The following COBL variants were observed in gnomAD, a reference collection of about 807,000 sequenced individuals.
COBL encodes the protein cordon-bleu WH2 repeat protein.
Under a neutral mutation model 98.8 loss-of-function variants are expected in COBL, and 51 were observed. The observed-to-expected ratio is 0.52, with a 90% CI of 0.41 to 0.65. COBL has a LOEUF of 0.65. Ranked by LOEUF, COBL falls within the 30% of genes least tolerant of loss-of-function variation. The probability of loss-of-function intolerance (pLI) is 0.00; values close to 1 mark genes in which losing one functional copy is unlikely to be tolerated. For missense variants in COBL, 1,617 were observed against 1,617.5 expected, an observed-to-expected ratio of 1.00 and a Z score of 0.01; for synonymous variants, 634 against 651.7, an observed-to-expected ratio of 0.97 and a Z score of 0.41.
chr7:51,226,458 C>T (rs1794190385), intron 1 of COBL, among the ~76,000 whole-genome samples: 1 of 152,060 alleles, frequency 6.6e-6, no homozygotes, highest in Non-Finnish European at 1.5e-5. Context: ...GGAACCATGA[C>T]TTTCTTGTTC....
intron 7 of COBL, among the ~76,000 whole-genome samples, chr7:51,075,027 A>G (rs564319779): frequency 6.2e-4 from 94 of 152,350 alleles, no homozygotes; most frequent in African/African-American, 2.0e-3. Flanking sequence ...TATAACTTCA[A>G]CATGATGGCA....
intron 7 of COBL, chr7:51,065,365 A>G (rs1791812286): frequency 1.4e-6 from 1 of 703,686 alleles, no homozygotes; most frequent in Non-Finnish European, 2.6e-6. Flanking sequence ...ACTCATCCAC[A>G]GGGTTCTTGG....
At position 51,107,062 on chromosome 7, in the gene COBL, T is replaced by G. The variant is rs1396004449; in HGVS notation, c.958-21758A>C. ...TTACATATCCCTCACCTCAAATACT[T>G]AACACTTTTTTTGTGATCCTAGTTT... is the stretch of plus-strand genomic sequence containing the variant. On this transcript the variant is annotated intron_variant, in intron 6 of 12. Transcript: ENST00000265136. 2.0e-5 allele frequency among the ~76,000 whole-genome samples: 3 copies of G among 150,676 alleles called. No homozygotes were observed. The East Asian group carries it at 5.8e-4, about 29-fold the overall frequency.
intron 7 of COBL, among the ~76,000 whole-genome samples, chr7:51,059,201 C>A (rs924125953): frequency 3.9e-5 from 6 of 152,158 alleles, no homozygotes; most frequent in African/African-American, 1.2e-4. Context: ...GTATGTATAG[C>A]TCGTATTTAT....
intron 1 of COBL, among the ~76,000 whole-genome samples, chr7:51,221,780 A>G (rs1793664158): frequency 6.6e-6 from 1 of 152,240 alleles, no homozygotes; most frequent in African/African-American, 2.4e-5. Context: ...TGTATTACTT[A>G]TAAAATGAAA....
At chr7:51,255,035 CAT>C (rs1208496371) in intron 1 of COBL, among the ~76,000 whole-genome samples, 1 of 152,208 alleles carries the variant, frequency 6.6e-6, no homozygotes, top group African/African-American at 2.4e-5. Context: ...GCTACCCAAA[CAT>C]ATATTTCTGA....
At chr7:51,316,110 C>G (rs993759552) in intron 1 of COBL, among the ~76,000 whole-genome samples, 1 of 152,134 alleles carries the variant, frequency 6.6e-6, no homozygotes, top group Non-Finnish European at 1.5e-5. Flanking sequence ...TCCACGCTGC[C>G]GGGAGAGCCG....
At chr7:51,163,939 A>G (rs1046933942) in intron 5 of COBL, among the ~76,000 whole-genome samples, 3 of 152,240 alleles carry the variant, frequency 2.0e-5, no homozygotes, top group African/African-American at 7.2e-5. Context: ...CCATAAAGCT[A>G]GCACTTTGCA....
At position 51,027,852 on chromosome 7, in the gene COBL, T is replaced by C. The variant is rs201838388; in HGVS notation, c.3244A>G (p.Ser1082Gly). The change falls in exon 10 of 13, where the codon AGT (serine) becomes GGT (glycine). Residue 1082 changes from serine to glycine, a missense_variant. By Grantham distance (56) the Ser-to-Gly change is moderately conservative (BLOSUM62 0). Transcript: ENST00000265136. The part of the protein sequence containing the change: ...VFSTDGNETD[S>G]IWPPSIFGPK... ...CCAAAAATGCTGGGTGGCCAAATAC[T>C]GTCTGTTTCATTTCCATCTGTAGAG... 5.0e-6 allele frequency: 8 copies of C among 1,614,250 alleles called. No individual in the cohort carries two copies. In the Admixed American group the frequency reaches 1.0e-4, roughly 20 times the overall value.
At chr7:51,144,770 A>T (rs1300421258) in intron 5 of COBL, among the ~76,000 whole-genome samples, 1 of 152,160 alleles carries the variant, frequency 6.6e-6, no homozygotes, top group Non-Finnish European at 1.5e-5. Flanking sequence ...TACCTGTTCC[A>T]TATGTTTCAT....
chr7:51,158,528 G>A (rs1434038779), intron 5 of COBL, among the ~76,000 whole-genome samples: 4 of 152,162 alleles, frequency 2.6e-5, no homozygotes, highest in Admixed American at 2.6e-4. Flanking sequence ...AAGCAAAGGT[G>A]GTGCTAGCTG....
intron 6 of COBL, among the ~76,000 whole-genome samples, chr7:51,126,276 C>T (rs1798196581): frequency 6.6e-6 from 1 of 152,070 alleles, no homozygotes; most frequent in African/African-American, 2.4e-5. Flanking sequence ...TGCAGTGAGC[C>T]AGGATAGTGC....
intron 2 of COBL, among the ~76,000 whole-genome samples, chr7:51,206,491 C>CAAAAAAAAAAAAAAAAAAAAAAAAA (rs1216887855): frequency 9.9e-6 from 1 of 101,274 alleles, no homozygotes; most frequent in Non-Finnish European, 2.0e-5. Context: ...GACTCTGTCT[C>CAAAAAAAAAAAAAAAAAAAAAAAAA]AAAAAAAAAA....
intron 1 of COBL, among the ~76,000 whole-genome samples, chr7:51,270,164 C>T (rs1048865204): frequency 6.6e-6 from 1 of 152,284 alleles, no homozygotes; most frequent in Admixed American, 6.5e-5. Flanking sequence ...TCTGAGCACA[C>T]AGGGCTTGGC....
intron 6 of COBL, among the ~76,000 whole-genome samples, chr7:51,127,031 T>C (rs2128996381): frequency 6.6e-6 from 1 of 152,256 alleles, no homozygotes; most frequent in Non-Finnish European, 1.5e-5. Context: ...GGGGAACAAG[T>C]CACGGTCCCA....
intron 5 of COBL, among the ~76,000 whole-genome samples, chr7:51,161,476 G>A (rs1381976744): frequency 6.6e-6 from 1 of 152,150 alleles, no homozygotes; most frequent in African/African-American, 2.4e-5. Flanking sequence ...CACTCAACAC[G>A]AATTCTGGAA....
chr7:51,252,655 G>A (rs976907197), intron 1 of COBL, among the ~76,000 whole-genome samples: 1 of 152,144 alleles, frequency 6.6e-6, no homozygotes, highest in Non-Finnish European at 1.5e-5. Flanking sequence ...GAGGAGTACA[G>A]GTGATTTCTC....
chr7:51,203,630 A>C (rs1054182152), intron 2 of COBL, among the ~76,000 whole-genome samples: 1 of 152,072 alleles, frequency 6.6e-6, no homozygotes, highest in African/African-American at 2.4e-5. Flanking sequence ...CTAAAAAAAA[A>C]GAAAAAAATG....
At chr7:51,139,964 T>C (rs1799583360) in intron 5 of COBL, among the ~76,000 whole-genome samples, 1 of 152,172 alleles carries the variant, frequency 6.6e-6, no homozygotes, top group South Asian at 2.1e-4. Context: ...CAAGAGAGGT[T>C]TGATTTCCTG....
Sources: allele counts gnomAD v4.1 joint callset (sites outside exome capture counted in the v4.1 genomes callset), GRCh38; gene constraint gnomAD v4.1.1; transcripts MANE v1.5; gene names NCBI Gene and HGNC (gene_info 2026-07-23, HGNC 2026-07-21).